Variants in SNTG2 observed in about 807,000 individuals in gnomAD.
SNTG2 encodes gamma-2-syntrophin.
SNTG2 carries 74 observed loss-of-function variants against 70.9 expected under a neutral mutation model. That is an observed-to-expected ratio of 1.04 (90% confidence interval 0.86 to 1.27). SNTG2 has a LOEUF of 1.27. SNTG2 is among the 50% of genes most tolerant of loss of function. The pLI is 0.00. For synonymous variants in SNTG2, 278 were observed against 273.8 expected, an observed-to-expected ratio of 1.02 and a Z score of -0.15; for missense variants, 717 against 690.7, an observed-to-expected ratio of 1.04 and a Z score of -0.43.
chr2:1,280,040 A>C (rs747275523), intron 14 of SNTG2, among the ~76,000 whole-genome samples: 9 of 152,238 alleles, frequency 5.9e-5, no homozygotes, highest in Non-Finnish European at 1.0e-4. Flanking sequence ...AATATGCAAA[A>C]CATAATTTTC....
intron 1 of SNTG2, among the ~76,000 whole-genome samples, chr2:987,244 G>C (rs944443871): frequency 6.6e-6 from 1 of 152,176 alleles, no homozygotes; most frequent in African/African-American, 2.4e-5. Flanking sequence ...GAGAAGGAGA[G>C]GTGAGGCTAG....
In SNTG2 at chr2:1,111,840, G is replaced by C. The variant is rs371776606; in HGVS notation, c.325+13430G>C. On this transcript the variant is annotated intron_variant, in intron 4 of 16. Transcript: ENST00000308624. ...CCCTTACAGTCCTTTGAGAAGAATCGTGTGTACTAAGTGAGGTTTAACCCT... is the reference window on the plus strand; with the variant it reads ...CCCTTACAGTCCTTTGAGAAGAATCCTGTGTACTAAGTGAGGTTTAACCCT... Among the ~76,000 whole-genome samples, 843 of 150,912 alleles carry C rather than the reference G, an allele frequency of 5.6e-3. 17 individuals carry two copies. The highest frequency in any genetic ancestry group is 0.02 in the African/African-American group (806 of 40,242).
At chr2:1,303,383 T>C (rs1680538668) in intron 14 of SNTG2, among the ~76,000 whole-genome samples, 1 of 152,118 alleles carries the variant, frequency 6.6e-6, no homozygotes, top group South Asian at 2.1e-4. Flanking sequence ...CACTTATAAA[T>C]AAGCAATGTG....
intron 1 of SNTG2, among the ~76,000 whole-genome samples, chr2:1,073,576 G>T (rs1360262097): frequency 6.6e-6 from 1 of 152,072 alleles, no homozygotes; most frequent in Admixed American, 6.6e-5. Context: ...TTGCATTATC[G>T]CAATATCCAC....
chr2:1,318,850 G>A (rs148876048), intron 16 of SNTG2, among the ~76,000 whole-genome samples: 1 of 152,304 alleles, frequency 6.6e-6, no homozygotes, highest in African/African-American at 2.4e-5. Flanking sequence ...GAGGGTGCCG[G>A]AGGTCTACGG....
At chr2:1,308,704 G>A (rs781184870) in intron 15 of SNTG2, 118 bp downstream of exon 15, 35 of 809,242 alleles carry the variant, frequency 4.3e-5, no homozygotes, top group East Asian at 5.4e-5. Context: ...ATTGTGTATC[G>A]TGCAGAGGCC....
chr2:1,364,658 C>T (rs1443886291), intron 16 of SNTG2, among the ~76,000 whole-genome samples: 7 of 149,288 alleles, frequency 4.7e-5, no homozygotes, highest in African/African-American at 1.2e-4. Context: ...CTTGGGAGGC[C>T]GAGATGGGCG....
In SNTG2 at chr2:1,281,004, C is replaced by T. The variant is rs148017175; in HGVS notation, c.1284+13433C>T. Among the ~76,000 whole-genome samples the T allele has an allele frequency of 6.7e-3, 1,019 of 152,330 alleles. 11 individuals carry two copies. Among genetic ancestry groups the T allele is most frequent in the African/African-American group, 0.023 (959 of 41,568 alleles). On this transcript the variant is annotated intron_variant, in intron 14 of 16. Transcript: ENST00000308624. ...AGGCCTACTGGCCCTTATCTAACAT[C>T]GGTGCCCACTTTACTCCAAGTAGTT...
intron 7 of SNTG2, among the ~76,000 whole-genome samples, chr2:1,166,368 G>A (rs930016880): frequency 6.6e-6 from 1 of 152,144 alleles, no homozygotes; most frequent in African/African-American, 2.4e-5. Context: ...GCCGACAGTC[G>A]GGTTCCTTCT....
At chr2:1,014,896 G>T (rs1354953297) in intron 1 of SNTG2, among the ~76,000 whole-genome samples, 6 of 152,236 alleles carry the variant, frequency 3.9e-5, no homozygotes, top group Non-Finnish European at 7.4e-5. Flanking sequence ...GAGGGGAGGG[G>T]TGGGAGTTGA....
chr2:978,338 GTTC>G (rs1473440823), intron 1 of SNTG2, among the ~76,000 whole-genome samples: 4 of 152,130 alleles, frequency 2.6e-5, no homozygotes, highest in Non-Finnish European at 5.9e-5. Flanking sequence ...ATTATTCAAC[GTTC>G]TTTTTTCCAG....
At chr2:1,141,082 A>C (rs905035673) in intron 6 of SNTG2, among the ~76,000 whole-genome samples, 1 of 152,194 alleles carries the variant, frequency 6.6e-6, no homozygotes, top group African/African-American at 2.4e-5. Flanking sequence ...ATCTATTTTG[A>C]ACAGCAGGTC....
At chr2:1,355,298 C>T (rs986326417) in intron 16 of SNTG2, among the ~76,000 whole-genome samples, 8 of 152,172 alleles carry the variant, frequency 5.3e-5, no homozygotes, top group African/African-American at 1.9e-4. Context: ...CTGATCCCTG[C>T]GCCCCTTTAT....
chr2:1,306,003 A>G (rs1396000731), intron 14 of SNTG2, among the ~76,000 whole-genome samples: 2 of 152,194 alleles, frequency 1.3e-5, no homozygotes, highest in Non-Finnish European at 2.9e-5. Context: ...TTCATTTCCT[A>G]TTTTATAATC....
At chr2:1,031,528 A>ATATATATATATATTTTTTTTTTTTTT in intron 1 of SNTG2, among the ~76,000 whole-genome samples, 2 of 59,114 alleles carry the variant, frequency 3.4e-5, no homozygotes, top group Non-Finnish European at 6.3e-5. Flanking sequence ...ATATATATAT[A>ATATATATATATATTTTTTTTTTTTTT]TTTTTTTTTT....
At chr2:975,273 ACAC>A (rs1411115448) in intron 1 of SNTG2, among the ~76,000 whole-genome samples, 1 of 152,200 alleles carries the variant, frequency 6.6e-6, no homozygotes, top group Non-Finnish European at 1.5e-5. Flanking sequence ...CCATGAGCAA[ACAC>A]CACACGCTTG....
At chr2:1,311,064 G>A (rs1572961934) in intron 15 of SNTG2, among the ~76,000 whole-genome samples, 4 of 152,112 alleles carry the variant, frequency 2.6e-5, no homozygotes, top group Non-Finnish European at 4.4e-5. Context: ...CCGGCGGTCC[G>A]GGGGCATCTG....
intron 14 of SNTG2, among the ~76,000 whole-genome samples, chr2:1,297,276 G>A (rs1201119448): frequency 6.6e-6 from 1 of 152,194 alleles, no homozygotes; most frequent in East Asian, 1.9e-4. Flanking sequence ...GGAGGATCCA[G>A]GCTGAACTTC....
At chr2:998,762 C>A (rs1661775669) in intron 1 of SNTG2, among the ~76,000 whole-genome samples, 1 of 152,032 alleles carries the variant, frequency 6.6e-6, no homozygotes, top group South Asian at 2.1e-4. Context: ...GAGATTTAGA[C>A]CTCCAGATAT....
Sources: gnomAD v4.1 joint callset for allele counts (sites outside exome capture counted in the v4.1 genomes callset) on GRCh38, gnomAD v4.1.1 for gene constraint, MANE v1.5 for transcripts, NCBI Gene and HGNC (gene_info 2026-07-23, HGNC 2026-07-21) for gene names.